Variants in PHTF2 observed in about 807,000 individuals in gnomAD.
The protein encoded by PHTF2 is putative homeodomain transcription factor 2.
In PHTF2, 60 loss-of-function variants were observed where a neutral mutation model predicts 101.2. The ratio of observed to expected loss-of-function variants is 0.59; its 90% CI spans 0.48 to 0.73. The LOEUF (loss-of-function observed/expected upper bound fraction) is 0.73, where lower values mean the gene tolerates loss of function less well. PHTF2 is among the 30% of genes least tolerant of loss of function. The pLI, the probability that PHTF2 is intolerant of heterozygous loss-of-function variation, is 0.00. For missense variants in PHTF2, 747 were observed against 908.7 expected, an observed-to-expected ratio of 0.82 and a Z score of 2.29; for synonymous variants, 311 against 307.3, an observed-to-expected ratio of 1.01 and a Z score of -0.13.
chr7:77,922,542 G>A (rs1270303682), intron 10 of PHTF2, 81 bp from the exon 10 acceptor site: 1 of 1,145,982 alleles, frequency 8.7e-7, no homozygotes, highest in Non-Finnish European at 1.2e-6. Context: ...ATATGTATGT[G>A]TAATTTCAAA....
intron 1 of PHTF2, among the ~76,000 whole-genome samples, chr7:77,833,471 G>A (rs1357502247): frequency 6.6e-6 from 1 of 152,128 alleles, no homozygotes; most frequent in African/African-American, 2.4e-5. Context: ...AAAATTAAAA[G>A]CTCTTTAGGG....
At chr7:77,942,856 CAAAT>C in intron 16 of PHTF2, 70 bp downstream of exon 15, 1 of 751,544 alleles carries the variant, frequency 1.3e-6, no homozygotes, top group Non-Finnish European at 2.1e-6. Flanking sequence ...AATAAATAAT[CAAAT>C]AATAATATAA....
chr7:77,924,134 A>G, intron 11 of PHTF2: 1 of 944,964 alleles, frequency 1.1e-6, no homozygotes, highest in Non-Finnish European at 1.3e-6. Flanking sequence ...GGGCGTTTCT[A>G]AAAAAAAGCA....
chr7:77,932,162 A>C (rs1032388257), intron 12 of PHTF2, among the ~76,000 whole-genome samples: 8 of 152,220 alleles, frequency 5.3e-5, no homozygotes, highest in African/African-American at 1.9e-4. Flanking sequence ...AGTGGTAATT[A>C]GGGAAATTGA....
At chr7:77,800,915 G>A (rs141183876) in intron 1 of PHTF2, among the ~76,000 whole-genome samples, 48 of 152,282 alleles carry the variant, frequency 3.2e-4, no homozygotes, top group African/African-American at 1.1e-3. Context: ...TAAGCAGTCT[G>A]ATTCCAAAGC....
chr7:77,912,862 A>T (rs1385117745), intron 9 of PHTF2, among the ~76,000 whole-genome samples: 1 of 151,590 alleles, frequency 6.6e-6, no homozygotes, highest in Non-Finnish European at 1.5e-5. Flanking sequence ...ACTCTCAAGT[A>T]GCTGGGACTA....
intron 3 of PHTF2, among the ~76,000 whole-genome samples, chr7:77,866,184 CAAAAAAA>C (rs35744441): frequency 4.9e-5 from 4 of 82,416 alleles, no homozygotes; most frequent in African/African-American, 4.1e-5. Flanking sequence ...ACTACCTCTC[CAAAAAAA>C]AAAAAAAAAA....
At chr7:77,900,896 G>A in intron 6 of PHTF2, 116 bp downstream of exon 5, 3 of 625,634 alleles carry the variant, frequency 4.8e-6, no homozygotes, top group Non-Finnish European at 8.6e-6. Flanking sequence ...AGAAATACTT[G>A]AGATTGGGTA....
chr7:77,852,278 G>C (rs993678057), intron 2 of PHTF2, among the ~76,000 whole-genome samples: 2 of 152,214 alleles, frequency 1.3e-5, no homozygotes, highest in African/African-American at 4.8e-5. Context: ...GATCACTTGA[G>C]GTCAGGAGTT....
chr7:77,896,329 G>A (rs1731615170), intron 5 of PHTF2, among the ~76,000 whole-genome samples: 1 of 152,036 alleles, frequency 6.6e-6, no homozygotes, highest in South Asian at 2.1e-4. Context: ...GGCCCAGGTG[G>A]GAGGATTGCT....
At chr7:77,816,955 A>C (rs1793898365) in intron 1 of PHTF2, among the ~76,000 whole-genome samples, 1 of 152,144 alleles carries the variant, frequency 6.6e-6, no homozygotes, top group African/African-American at 2.4e-5. Context: ...CATTTTCTTT[A>C]TCCATTCATC....
At chr7:77,895,144 T>G (rs1171693912) in intron 5 of PHTF2, 1 of 456,014 alleles carries the variant, frequency 2.2e-6, no homozygotes, top group Non-Finnish European at 4.4e-6. Flanking sequence ...TATTTGGTAC[T>G]TGGGAGGGAC....
At chr7:77,850,797 C>G (rs776382634) in intron 2 of PHTF2, among the ~76,000 whole-genome samples, 2 of 152,104 alleles carry the variant, frequency 1.3e-5, no homozygotes, top group Admixed American at 1.3e-4. Context: ...AGCAATGCAT[C>G]CATCATATAT....
chr7:77,900,556 T>G, intron 5 of PHTF2, 155 bp from the exon 5 acceptor site: 1 of 618,888 alleles, frequency 1.6e-6, no homozygotes, highest in Non-Finnish European at 2.9e-6. Context: ...TACAATACTG[T>G]AATTGTGTTC....
chr7:77,835,345 A>C (rs1222998022), intron 1 of PHTF2, among the ~76,000 whole-genome samples: 1 of 152,012 alleles, frequency 6.6e-6, no homozygotes, highest in Non-Finnish European at 1.5e-5. Context: ...GCTGATTTAG[A>C]AGGATGTATG....
intron 12 of PHTF2, among the ~76,000 whole-genome samples, chr7:77,935,624 A>C (rs1192851213): frequency 3.3e-5 from 5 of 152,258 alleles, no homozygotes; most frequent in Middle Eastern, 3.4e-3. Flanking sequence ...GGATAGAGTA[A>C]TTGGCAAGGT....
At chr7:77,938,175 A>T (rs1293685329) in intron 13 of PHTF2, among the ~76,000 whole-genome samples, 1 of 152,148 alleles carries the variant, frequency 6.6e-6, no homozygotes, top group Non-Finnish European at 1.5e-5. Context: ...TTGTTGTTAC[A>T]AGAACTTTAA....
chr7:77,949,743 C>A, exon 17 of PHTF2: 1 of 1,554,884 alleles, frequency 6.4e-7, no homozygotes. Flanking sequence ...TCTGGTGCAT[C>A]TCGTTAACAC....
At chr7:77,909,135 G>A (rs1802131373) in intron 8 of PHTF2, 177 bp downstream of exon 7, 2 of 475,054 alleles carry the variant, frequency 4.2e-6, no homozygotes, top group Admixed American at 3.8e-5. Context: ...TTGCTTCAAG[G>A]CCATTTTAAG....
Sources: gnomAD v4.1 joint callset for allele counts (sites outside exome capture counted in the v4.1 genomes callset) on GRCh38, gnomAD v4.1.1 for gene constraint, MANE v1.5 for transcripts, NCBI Gene and HGNC (gene_info 2026-07-23, HGNC 2026-07-21) for gene names.